Variants in TXNRD1 observed in about 807,000 individuals in gnomAD.
TXNRD1 encodes the protein thioredoxin reductase 1.
TXNRD1 carries 57 observed loss-of-function variants against 80.3 expected under a neutral mutation model. The ratio of observed to expected loss-of-function variants is 0.71; its 90% CI spans 0.57 to 0.89. The LOEUF (loss-of-function observed/expected upper bound fraction) is 0.89, where lower values mean the gene tolerates loss of function less well. Ranked by LOEUF, TXNRD1 falls within the 40% of genes least tolerant of loss-of-function variation. The pLI is 0.00. For missense variants in TXNRD1, 730 were observed against 803.0 expected (o/e 0.91, Z 1.10); for synonymous variants, 291 against 285.2 (o/e 1.02, Z -0.20).
intron 13 of TXNRD1, among the ~76,000 whole-genome samples, chr12:104,328,774 A>AAG (rs1565907711): frequency 6.6e-6 from 1 of 151,670 alleles, no homozygotes; most frequent in Non-Finnish European, 1.5e-5. Context: ...AAAAAAAAAA[A>AAG]AAAAAGGAAA....
chr12:104,305,370 A>C (rs1264731003), intron 4 of TXNRD1, among the ~76,000 whole-genome samples: 2 of 152,184 alleles, frequency 1.3e-5, no homozygotes, highest in Non-Finnish European at 2.9e-5. Flanking sequence ...TAAAAAAAAA[A>C]ACCTGTCTGT....
At chr12:104,267,701 CTCT>C (rs1565870282) in intron 3 of TXNRD1, among the ~76,000 whole-genome samples, 1 of 19,784 alleles carries the variant, frequency 5.1e-5, no homozygotes, top group Admixed American at 4.6e-4. Flanking sequence ...TTCTTTCTTT[CTCT>C]CTTTCTTTCT....
At chr12:104,218,187 A>G (rs1468659520) in intron 1 of TXNRD1, among the ~76,000 whole-genome samples, 1 of 151,824 alleles carries the variant, frequency 6.6e-6, no homozygotes, top group Non-Finnish European at 1.5e-5. Context: ...CACCATGCCC[A>G]GCTAATCTTT....
chr12:104,334,412 T>A, intron 15 of TXNRD1, 80 bp downstream of exon 15: 3 of 804,626 alleles, frequency 3.7e-6, no homozygotes, highest in Non-Finnish European at 5.3e-6. Context: ...AGATGGAGTC[T>A]TGCTCTGTTG....
At chr12:104,257,399 AATGCT>A (rs1460429015) in intron 2 of TXNRD1, among the ~76,000 whole-genome samples, 18 of 137,984 alleles carry the variant, frequency 1.3e-4, no homozygotes, top group East Asian at 8.8e-4. Context: ...TAAGTGTTCC[AATGCT>A]TTTTTTTTTT....
chr12:104,222,294 G>A (rs2032374032), intron 1 of TXNRD1, among the ~76,000 whole-genome samples: 1 of 152,154 alleles, frequency 6.6e-6, no homozygotes. Context: ...TAGTAACACA[G>A]TGCAGAGAAG....
At position 104,216,911 on chromosome 12, in the gene TXNRD1, G is replaced by A. The variant is rs551337419; in HGVS notation, c.91+1018G>A. Among the ~76,000 whole-genome samples the A allele has an allele frequency of 5.9e-5, 9 of 152,350 alleles. No individual in the cohort carries two copies. The East Asian group carries it at 1.3e-3, about 23-fold the overall frequency. On this transcript the variant is annotated intron_variant, in intron 1 of 16. Coordinates refer to ENST00000525566, the MANE Select transcript of TXNRD1 (RefSeq NM_001093771.3). ...GGCAGCATATGGTGAAGGGCTAAAAGGAGTGGTAAAAACAGCCAAGTGGGG... is the reference window on the plus strand; with the variant it reads ...GGCAGCATATGGTGAAGGGCTAAAAAGAGTGGTAAAAACAGCCAAGTGGGG...
intron 3 of TXNRD1, chr12:104,280,292 A>C (rs1399388361): frequency 6.6e-6 from 1 of 151,990 alleles, no homozygotes; most frequent in Admixed American, 6.6e-5. Flanking sequence ...ACCTTATAGG[A>C]TTTCTTGGCA....
At chr12:104,287,229 G>A (rs376539514) in intron 3 of TXNRD1, 2 of 1,612,142 alleles carry the variant, frequency 1.2e-6, no homozygotes, top group African/African-American at 1.3e-5. Context: ...GTGCGTCTCG[G>A]GGAAGGGAAG....
At chr12:104,305,078 AT>A (rs780278429) in intron 4 of TXNRD1, 385 of 871,412 alleles carry the variant, frequency 4.4e-4, no homozygotes, top group Non-Finnish European at 5.8e-4. Context: ...ACTGTGCAGC[AT>A]ATTTTTCTTA....
chr12:104,274,765 G>A (rs1032185398), intron 3 of TXNRD1, among the ~76,000 whole-genome samples: 11 of 151,810 alleles, frequency 7.2e-5, no homozygotes, highest in African/African-American at 2.7e-4. Flanking sequence ...TTCATCTTAG[G>A]TTCTAATAGC....
chr12:104,295,998 G>T (rs1048684071), intron 4 of TXNRD1, among the ~76,000 whole-genome samples: 2 of 152,222 alleles, frequency 1.3e-5, no homozygotes, highest in Admixed American at 1.3e-4. Context: ...ACAGTCCTGT[G>T]AAGGAGGTGA....
chr12:104,279,143 C>T (rs2033824023), intron 3 of TXNRD1, among the ~76,000 whole-genome samples: 1 of 152,206 alleles, frequency 6.6e-6, no homozygotes, highest in African/African-American at 2.4e-5. Context: ...ACTTAATAGT[C>T]ACATGTGGTG....
rs2035454384 is a variant in TXNRD1 at position 104,319,494 on chromosome 12, A to G, written c.898A>G (p.Lys300Glu). Reference protein sequence around the residue: ...IKATNNKGKEKIYSAERFLIA... With the variant: ...IKATNNKGKEEIYSAERFLIA... Reference sequence around the variant, plus strand: ...GGCAACAAATAATAAAGGCAAAGAAAAAATTTATTCAGCAGAGAGATTTCT... The same window carrying G: ...GGCAACAAATAATAAAGGCAAAGAAGAAATTTATTCAGCAGAGAGATTTCT... Residue 300 changes from lysine (K) to glutamate (E), a missense_variant, in exon 9 of 17, where the codon AAA becomes GAA. Transcript: ENST00000525566. 1 of 1,591,846 alleles carries G rather than the reference A, an allele frequency of 6.3e-7. No individual in the cohort carries two copies. The highest frequency in any genetic ancestry group is 1.1e-5 in the South Asian group (1 of 87,052).
At chr12:104,317,514 GA>G (rs780857392) in intron 7 of TXNRD1, among the ~76,000 whole-genome samples, 2 of 152,060 alleles carry the variant, frequency 1.3e-5, no homozygotes, top group Non-Finnish European at 2.9e-5. Flanking sequence ...CCCACTTCCA[GA>G]GGCTGGCCAG....
At chr12:104,253,457 C>A (rs1228155904) in intron 2 of TXNRD1, among the ~76,000 whole-genome samples, 1 of 152,098 alleles carries the variant, frequency 6.6e-6, no homozygotes, top group African/African-American at 2.4e-5. Flanking sequence ...GAAAAATGAT[C>A]TCAGATAACC....
At chr12:104,327,027 T>C (rs2035790096) in intron 12 of TXNRD1, among the ~76,000 whole-genome samples, 1 of 150,214 alleles carries the variant, frequency 6.7e-6, no homozygotes, top group Non-Finnish European at 1.5e-5. Context: ...GTCTCCATCT[T>C]TTGGCCTCTA....
At chr12:104,246,350 C>T (rs1293569629) in intron 1 of TXNRD1, among the ~76,000 whole-genome samples, 1 of 150,096 alleles carries the variant, frequency 6.7e-6, no homozygotes, top group Non-Finnish European at 1.5e-5. Context: ...ATGGCATGAA[C>T]CTGGGAGGCG....
At chr12:104,296,959 T>C (rs1008246385) in intron 4 of TXNRD1, among the ~76,000 whole-genome samples, 2 of 152,226 alleles carry the variant, frequency 1.3e-5, no homozygotes, top group Admixed American at 6.5e-5. Flanking sequence ...GGCTAGGCAC[T>C]ATCTTTGTAA....
Sources: gnomAD v4.1 joint callset for allele counts (sites outside exome capture counted in the v4.1 genomes callset) on GRCh38, gnomAD v4.1.1 for gene constraint, MANE v1.5 for transcripts, NCBI Gene and HGNC (gene_info 2026-07-23, HGNC 2026-07-21) for gene names.